PRKCA: variants seen among roughly 807,000 people sequenced by gnomAD.
PRKCA encodes protein kinase C alpha.
A neutral mutation model predicts 87.0 loss-of-function variants in PRKCA; 27 were observed. That is an observed-to-expected ratio of 0.31 (90% CI 0.23 to 0.43). The LOEUF (loss-of-function observed/expected upper bound fraction) is 0.43. Ranked by LOEUF, PRKCA falls within the 20% of genes least tolerant of loss-of-function variation. The probability of loss-of-function intolerance (pLI) is 1.00; values close to 1 mark genes in which losing one functional copy is unlikely to be tolerated. For missense variants in PRKCA, 518 were observed against 852.3 expected, an observed-to-expected ratio of 0.61 and a Z score of 4.88; for synonymous variants, 329 against 311.1, an observed-to-expected ratio of 1.06 and a Z score of -0.61.
At position 66,566,860 on chromosome 17, in the gene PRKCA, A is replaced by G. The variant is rs7215320; in HGVS notation, c.288+70577A>G. Among the ~76,000 whole-genome samples, 253 of 152,286 alleles carry G rather than the reference A, an allele frequency of 1.7e-3. 1 individual carries two copies. Among genetic ancestry groups the G allele is most frequent in the African/African-American group, 6.0e-3 (248 of 41,554 alleles). On this transcript the variant is annotated intron_variant, in intron 3 of 16. Transcript: ENST00000413366. Reference sequence around the variant, plus strand: ...CAAGGAGAGCTTGGGGTTAGGCAGTATAGGCCATGAGCCCCTTGCCAGCCT... The same window carrying G: ...CAAGGAGAGCTTGGGGTTAGGCAGTGTAGGCCATGAGCCCCTTGCCAGCCT...
intron 5 of PRKCA, among the ~76,000 whole-genome samples, chr17:66,665,502 G>GC (rs1385539193): frequency 0.019 from 2,039 of 106,982 alleles, 41 homozygotes; most frequent in African/African-American, 0.058. Flanking sequence ...AGTGGCAAGA[G>GC]GGGGTCCAAG....
intron 13 of PRKCA, among the ~76,000 whole-genome samples, chr17:66,759,305 A>G (rs969059290): frequency 6.6e-6 from 1 of 151,990 alleles, no homozygotes; most frequent in Non-Finnish European, 1.5e-5. Context: ...GCAGTGAGCC[A>G]AGATGGCGCC....
intron 2 of PRKCA, among the ~76,000 whole-genome samples, chr17:66,465,084 A>T (rs1192834813): frequency 6.6e-6 from 1 of 152,206 alleles, no homozygotes; most frequent in East Asian, 1.9e-4. Flanking sequence ...TACCAGTGAC[A>T]TAAGCAATAA....
intron 2 of PRKCA, among the ~76,000 whole-genome samples, chr17:66,321,898 A>G (rs1905692526): frequency 6.6e-6 from 1 of 152,206 alleles, no homozygotes; most frequent in African/African-American, 2.4e-5. Flanking sequence ...TATTTGTTCC[A>G]TGAACTCAGA....
At chr17:66,379,947 A>T (rs183179187) in intron 2 of PRKCA, among the ~76,000 whole-genome samples, 36 of 152,330 alleles carry the variant, frequency 2.4e-4, no homozygotes, top group Non-Finnish European at 2.1e-4. Context: ...AGCTAAAAAA[A>T]AAATAGCCTT....
At chr17:66,593,306 GCTCTGT>G (rs1969872391) in intron 3 of PRKCA, among the ~76,000 whole-genome samples, 1 of 152,144 alleles carries the variant, frequency 6.6e-6, no homozygotes, top group Non-Finnish European at 1.5e-5. Context: ...CCATCCTGAT[GCTCTGT>G]TGTTTTTCCT....
chr17:66,421,457 A>G (rs1406534174), intron 2 of PRKCA, among the ~76,000 whole-genome samples: 1 of 132,918 alleles, frequency 7.5e-6, no homozygotes, highest in East Asian at 2.2e-4. Flanking sequence ...TTATAGCTCT[A>G]TCAAGTGATT....
intron 2 of PRKCA, among the ~76,000 whole-genome samples, chr17:66,379,192 T>C (rs1018939956): frequency 6.6e-6 from 1 of 152,196 alleles, no homozygotes; most frequent in Non-Finnish European, 1.5e-5. Context: ...TGCTGGATCA[T>C]ATGTTAATTC....
chr17:66,500,748 G>A (rs1567861093), intron 3 of PRKCA, among the ~76,000 whole-genome samples: 1 of 152,188 alleles, frequency 6.6e-6, no homozygotes, highest in Non-Finnish European at 1.5e-5. Flanking sequence ...CTGGTCAGGT[G>A]TTTGGAAAAC....
intron 2 of PRKCA, among the ~76,000 whole-genome samples, chr17:66,372,549 A>T (rs1027334455): frequency 5.3e-5 from 8 of 152,274 alleles, no homozygotes; most frequent in African/African-American, 1.9e-4. Context: ...ATTTTGTGTT[A>T]TGTGTATTCT....
chr17:66,564,441 T>A (rs1027233377), intron 3 of PRKCA, among the ~76,000 whole-genome samples: 2 of 152,124 alleles, frequency 1.3e-5, no homozygotes, highest in African/African-American at 4.8e-5. Context: ...CACATAATGT[T>A]TCTGTTGGGT....
intron 2 of PRKCA, among the ~76,000 whole-genome samples, chr17:66,331,711 TAAG>T: frequency 6.6e-6 from 1 of 152,150 alleles, no homozygotes; most frequent in East Asian, 1.9e-4. Context: ...TTAATTATCT[TAAG>T]AGGTGGGGAC....
At chr17:66,421,932 T>G (rs958134880) in intron 2 of PRKCA, among the ~76,000 whole-genome samples, 2 of 152,126 alleles carry the variant, frequency 1.3e-5, no homozygotes, top group African/African-American at 4.8e-5. Context: ...CTGGGTAGCT[T>G]AAACAGCAGA....
At chr17:66,462,122 T>C (rs542995066) in intron 2 of PRKCA, among the ~76,000 whole-genome samples, 1 of 152,308 alleles carries the variant, frequency 6.6e-6, no homozygotes, top group African/African-American at 2.4e-5. Flanking sequence ...TCCCTCTGTT[T>C]GAACTCAAGT....
intron 5 of PRKCA, among the ~76,000 whole-genome samples, chr17:66,668,480 G>C (rs149928301): frequency 3.6e-4 from 55 of 152,220 alleles, no homozygotes; most frequent in African/African-American, 1.2e-3. Context: ...GATCCTACCT[G>C]GCTCCAGCAA....
At chr17:66,473,151 T>A (rs531200910) in intron 2 of PRKCA, among the ~76,000 whole-genome samples, 1 of 152,250 alleles carries the variant, frequency 6.6e-6, no homozygotes, top group East Asian at 1.9e-4. Context: ...TTTACCTGAC[T>A]CTGCAGCGGG....
intron 2 of PRKCA, among the ~76,000 whole-genome samples, chr17:66,381,225 A>G (rs1398355962): frequency 1.3e-5 from 2 of 152,174 alleles, no homozygotes; most frequent in Admixed American, 6.5e-5. Flanking sequence ...TACAAGTGTG[A>G]GCCACTGTGC....
intron 8 of PRKCA, among the ~76,000 whole-genome samples, chr17:66,726,445 G>A (rs757790772): frequency 2.6e-5 from 4 of 152,162 alleles, no homozygotes; most frequent in Admixed American, 6.5e-5. Flanking sequence ...AACGGTTTCC[G>A]GGAAGAAAGC....
chr17:66,754,257 C>T (rs940695889), intron 13 of PRKCA, among the ~76,000 whole-genome samples: 3 of 151,828 alleles, frequency 2.0e-5, no homozygotes, highest in Non-Finnish European at 2.9e-5. Context: ...CAATCAACAT[C>T]GTTGTCACTC....
Sources: allele counts gnomAD v4.1 joint callset (sites outside exome capture counted in the v4.1 genomes callset), GRCh38; gene constraint gnomAD v4.1.1; transcripts MANE v1.5; gene names NCBI Gene and HGNC (gene_info 2026-07-23, HGNC 2026-07-21).